ATP6V0D2: variants seen among roughly 807,000 people sequenced by gnomAD.
ATP6V0D2 encodes V-type proton ATPase subunit d 2.
Under a neutral mutation model 40.0 loss-of-function variants are expected in ATP6V0D2, and 40 were observed. That is an observed-to-expected ratio of 1.00 (90% CI 0.78 to 1.30). The LOEUF (loss-of-function observed/expected upper bound fraction) is 1.30, where lower values mean the gene tolerates loss of function less well. Ranked by LOEUF, ATP6V0D2 falls within the 50% of genes most tolerant of loss-of-function variation. ATP6V0D2 has a pLI of 0.00. For synonymous variants in ATP6V0D2, 179 were observed against 156.3 expected, an observed-to-expected ratio of 1.15 and a Z score of -1.08; for missense variants, 470 against 423.1, an observed-to-expected ratio of 1.11 and a Z score of -0.97.
At chr8:86,115,242 C>G (rs1039658000) in intron 2 of ATP6V0D2, among the ~76,000 whole-genome samples, 1 of 151,608 alleles carries the variant, frequency 6.6e-6, no homozygotes, top group East Asian at 1.9e-4. Flanking sequence ...TCTGGTTGAA[C>G]GATAAAATGA....
chr8:86,143,101 G>T, intron 5 of ATP6V0D2, 147 bp downstream of exon 5: 4 of 499,208 alleles, frequency 8.0e-6, no homozygotes, highest in Admixed American at 3.4e-5. Flanking sequence ...CATATGATTT[G>T]ATATATTTGA....
intron 5 of ATP6V0D2, among the ~76,000 whole-genome samples, chr8:86,145,984 C>A (rs1198766958): frequency 6.6e-6 from 1 of 152,152 alleles, no homozygotes; most frequent in African/African-American, 2.4e-5. Flanking sequence ...AACTGAGGCA[C>A]AGAGAAGGCT....
chr8:86,108,842 C>T (rs1165650325), intron 1 of ATP6V0D2, among the ~76,000 whole-genome samples: 1 of 152,196 alleles, frequency 6.6e-6, no homozygotes, highest in Non-Finnish European at 1.5e-5. Flanking sequence ...CATGCAGTGA[C>T]CACAACCCAC....
At chr8:86,116,541 C>T (rs1041290113) in intron 2 of ATP6V0D2, among the ~76,000 whole-genome samples, 1 of 152,100 alleles carries the variant, frequency 6.6e-6, no homozygotes, top group African/African-American at 2.4e-5. Flanking sequence ...ATAGAATTGG[C>T]TATATGTGTC....
At chr8:86,130,944 C>T (rs1388320771) in intron 2 of ATP6V0D2, among the ~76,000 whole-genome samples, 2 of 152,034 alleles carry the variant, frequency 1.3e-5, no homozygotes, top group Non-Finnish European at 2.9e-5. Context: ...CTTGTAAGCA[C>T]ATCAGAAATC....
intron 1 of ATP6V0D2, among the ~76,000 whole-genome samples, chr8:86,110,869 G>A (rs1818521570): frequency 6.6e-6 from 1 of 152,042 alleles, no homozygotes; most frequent in South Asian, 2.1e-4. Context: ...GGACAGGACT[G>A]GCATCATAAG....
intron 1 of ATP6V0D2, among the ~76,000 whole-genome samples, chr8:86,099,590 T>G (rs1372277905): frequency 6.6e-6 from 1 of 152,048 alleles, no homozygotes. Flanking sequence ...GCCTCCCGGG[T>G]TCAAGCAATT....
rs1586106425 is a variant in ATP6V0D2, at chr8:86,150,143, C to T, written c.671C>T (p.Thr224Ile). 6.2e-7 allele frequency: 1 copy of T among 1,613,632 alleles called. No individual in the cohort carries two copies. Among genetic ancestry groups the T allele is most frequent in the Non-Finnish European group, 8.5e-7 (1 of 1,179,886 alleles). The change falls in exon 6 of 8, where the codon ACT becomes ATT. Residue 224 changes from threonine to isoleucine, a missense_variant. By Grantham distance (89) the Thr-to-Ile change is moderately conservative (BLOSUM62 -1). Transcript: ENST00000285393. ...GCCGACAGACGTGCTTTTATCATCACTCTTAACTCCTTTGGCACTGAATTG... is the reference window on the plus strand; with the variant it reads ...GCCGACAGACGTGCTTTTATCATCATTCTTAACTCCTTTGGCACTGAATTG... Reference protein sequence around the residue: ...FEADRRAFIITLNSFGTELSK... With the variant: ...FEADRRAFIIILNSFGTELSK...
At chr8:86,100,115 A>G (rs1296637606) in intron 1 of ATP6V0D2, among the ~76,000 whole-genome samples, 11 of 151,794 alleles carry the variant, frequency 7.2e-5, no homozygotes, top group Admixed American at 7.2e-4. Context: ...GACTTCTGTC[A>G]TGTCACCAGT....
intron 1 of ATP6V0D2, among the ~76,000 whole-genome samples, chr8:86,109,105 AGTG>A (rs1818504073): frequency 6.6e-6 from 1 of 152,180 alleles, no homozygotes; most frequent in Non-Finnish European, 1.5e-5. Context: ...AATTTTCCCA[AGTG>A]TGCTCTGTGG....
chr8:86,144,178 G>A (rs1819016974), intron 5 of ATP6V0D2, among the ~76,000 whole-genome samples: 1 of 152,214 alleles, frequency 6.6e-6, no homozygotes, highest in Non-Finnish European at 1.5e-5. Context: ...GCATAAGAAT[G>A]TTGACCTGCA....
chr8:86,104,878 C>CACACACACACAT (rs928397464), intron 1 of ATP6V0D2, among the ~76,000 whole-genome samples: 3 of 151,626 alleles, frequency 2.0e-5, no homozygotes, highest in African/African-American at 7.3e-5. Context: ...CACACACACA[C>CACACACACACAT]ATCAAGAGCT....
At chr8:86,105,617 T>TTTC (rs1818460322) in intron 1 of ATP6V0D2, among the ~76,000 whole-genome samples, 1 of 55,710 alleles carries the variant, frequency 1.8e-5, no homozygotes, top group Non-Finnish European at 4.3e-5. Context: ...TTCTTTTTTC[T>TTTC]TTTCTTTTTT....
intron 2 of ATP6V0D2, among the ~76,000 whole-genome samples, chr8:86,119,475 C>T (rs867160167): frequency 6.6e-6 from 1 of 151,986 alleles, no homozygotes; most frequent in Non-Finnish European, 1.5e-5. Context: ...GTGATCTACC[C>T]ACCTCGGTCT....
At chr8:86,146,886 T>A (rs1819077231) in intron 5 of ATP6V0D2, among the ~76,000 whole-genome samples, 1 of 152,286 alleles carries the variant, frequency 6.6e-6, no homozygotes, top group East Asian at 1.9e-4. Flanking sequence ...ATAGGTTCCA[T>A]GTATATTCTC....
At chr8:86,149,077 C>CAAAAAAAAAAAAAAA (rs1819109621) in intron 5 of ATP6V0D2, among the ~76,000 whole-genome samples, 8 of 35,754 alleles carry the variant, frequency 2.2e-4, no homozygotes, top group Non-Finnish European at 2.9e-4. Context: ...AAAAAAAAAC[C>CAAAAAAAAAAAAAAA]AATGAACAAG....
intron 2 of ATP6V0D2, among the ~76,000 whole-genome samples, chr8:86,136,799 G>A (rs1036362525): frequency 4.6e-5 from 7 of 152,112 alleles, no homozygotes; most frequent in Admixed American, 1.3e-4. Flanking sequence ...ATGTTTCTAC[G>A]TGTTCAAGTA....
intron 2 of ATP6V0D2, among the ~76,000 whole-genome samples, chr8:86,126,356 A>AG (rs1818746310): frequency 6.7e-6 from 1 of 150,090 alleles, no homozygotes; most frequent in Non-Finnish European, 1.5e-5. Flanking sequence ...TTTGCTGCAC[A>AG]GATCATCCCA....
chr8:86,121,115 A>G (rs1818663166), intron 2 of ATP6V0D2, among the ~76,000 whole-genome samples: 1 of 152,198 alleles, frequency 6.6e-6, no homozygotes, highest in Admixed American at 6.5e-5. Context: ...TTACCTATAC[A>G]GATAGCATTA....
Sources: allele counts gnomAD v4.1 joint callset (sites outside exome capture counted in the v4.1 genomes callset), GRCh38; gene constraint gnomAD v4.1.1; transcripts MANE v1.5; gene names NCBI Gene and HGNC (gene_info 2026-07-23, HGNC 2026-07-21).